The following RASL10B variants were observed in gnomAD, a reference collection of about 807,000 sequenced individuals.
RASL10B encodes RAS like family 10 member B, also known as ras-like protein family member 10B.
A neutral mutation model predicts 20.7 loss-of-function variants in RASL10B; 10 were observed. That is an observed-to-expected ratio of 0.48 (90% CI 0.30 to 0.82). The LOEUF is 0.82. RASL10B is among the 40% of genes least tolerant of loss of function. The pLI is 0.07. For missense variants in RASL10B, 231 were observed against 295.4 expected (o/e 0.78, Z 1.60); for synonymous variants, 110 against 123.3 (o/e 0.89, Z 0.72).
chr17:35,737,677 G>A (rs370836093), intron 2 of RASL10B, among the ~76,000 whole-genome samples: 23 of 151,842 alleles, frequency 1.5e-4, no homozygotes, highest in African/African-American at 5.1e-4. Context: ...TGAGGCAGGC[G>A]GATCACTTGA....
chr17:35,733,232 A>C lies in RASL10B; in HGVS notation c.-148+1354A>C, dbSNP rs8077777. Among the ~76,000 whole-genome samples the C allele has an allele frequency of 2.6e-3, 391 of 152,308 alleles. 2 individuals are homozygous for C. The highest frequency in any genetic ancestry group is 9.1e-3 in the African/African-American group (378 of 41,564). On this transcript the variant is annotated intron_variant, in intron 1 of 3. Coordinates refer to ENST00000603017, the MANE Select transcript of RASL10B (RefSeq NM_033315.4). ...CCTCCTGGGATTGCTAGGAGGTTCC[A>C]CTGCTAAGTTTGTGGGAAGCTTAGA... is the stretch of plus-strand genomic sequence containing the variant.
At chr17:35,734,578 C>T (rs1461582587) in intron 1 of RASL10B, among the ~76,000 whole-genome samples, 1 of 152,090 alleles carries the variant, frequency 6.6e-6, no homozygotes, top group African/African-American at 2.4e-5. Flanking sequence ...TTGGGGGCCA[C>T]GGAAAGCAAA....
chr17:35,735,464 C>A lies in RASL10B; in HGVS notation c.216+64C>A. ...GGATGGGTAGGGGAGAGGCTGGATT[C>A]CAAACTGCTGTAGCTTGGGCCCTAT... is the stretch of plus-strand genomic sequence containing the variant. On this transcript the variant is annotated intron_variant, in intron 2 of 3. Transcript: ENST00000603017. The surrounding 1 kb of genome is among the most constrained non-coding windows in gnomAD (Gnocchi z 6.7). 6.5e-7 allele frequency: 1 copy of A among 1,535,940 alleles called. No homozygotes were observed. The highest frequency in any genetic ancestry group is 1.7e-4 in the Middle Eastern group (1 of 5,912).
intron 1 of RASL10B, among the ~76,000 whole-genome samples, chr17:35,734,460 C>G (rs2085577357): frequency 6.6e-6 from 1 of 152,146 alleles, no homozygotes; most frequent in Non-Finnish European, 1.5e-5. Flanking sequence ...TGTTGCACCC[C>G]AGAGGCGACG....
At chr17:35,733,291 C>T (rs187909479) in intron 1 of RASL10B, among the ~76,000 whole-genome samples, 52 of 152,338 alleles carry the variant, frequency 3.4e-4, no homozygotes, top group Non-Finnish European at 6.3e-4. Flanking sequence ...GCAGTGGTCA[C>T]TGTTTATTGA....
chr17:35,740,817 T>A (rs1466769909), intron 3 of RASL10B, among the ~76,000 whole-genome samples: 3 of 152,204 alleles, frequency 2.0e-5, no homozygotes, highest in African/African-American at 7.2e-5. Context: ...CCAGTAAACA[T>A]TTAAGCCTAT....
intron 2 of RASL10B, among the ~76,000 whole-genome samples, chr17:35,737,623 C>G (rs587603761): frequency 6.7e-6 from 1 of 148,526 alleles, no homozygotes; most frequent in South Asian, 2.1e-4. Context: ...AATACAGAGC[C>G]AGGTGAGGTG....
intron 2 of RASL10B, among the ~76,000 whole-genome samples, chr17:35,739,594 T>C (rs782212843): frequency 1.3e-5 from 2 of 152,226 alleles, no homozygotes; most frequent in Non-Finnish European, 2.9e-5. Flanking sequence ...GGGGCCCTAC[T>C]CTACATCAGC....
In RASL10B at chr17:35,742,864, A is replaced by C. The variant is rs1274186161; in HGVS notation, c.*1559A>C. 1 of 152,260 alleles carries C rather than the reference A, an allele frequency of 6.6e-6. No homozygotes were observed. Among genetic ancestry groups the C allele is most frequent in the East Asian group, 1.9e-4 (1 of 5,184 alleles). 9.4% of individuals were successfully genotyped at this position (152,260 alleles called of 1,614,324 possible). A position where few individuals can be genotyped will look rare whatever the true frequency, so the allele number is the denominator to read the frequency against. On this transcript the variant is annotated 3_prime_UTR_variant, in exon 4 of 4. Coordinates refer to ENST00000603017, the MANE Select transcript of RASL10B (RefSeq NM_033315.4). ...AGGTAGCCCAGACTGGTGATGGAGCAGAGTCTGGGGGAAGGGTCGTGGGTG... is the reference window on the plus strand; with the variant it reads ...AGGTAGCCCAGACTGGTGATGGAGCCGAGTCTGGGGGAAGGGTCGTGGGTG...
rs1489368512 is a variant in RASL10B at position 35,737,527 on chromosome 17, G to GT, written c.216+2128dup. On this transcript the variant is annotated intron_variant, in intron 2 of 3. Coordinates refer to ENST00000603017, the MANE Select transcript of RASL10B (RefSeq NM_033315.4). ...TGTAGATAGGTCATTTTGAACATAA[G>GT]TAGGTATATCTGTGGGATCAATTAC... is the stretch of plus-strand genomic sequence containing the variant. Among the ~76,000 whole-genome samples the GT allele has an allele frequency of 6.0e-5, 9 of 150,032 alleles. 1 individual carries two copies. The South Asian group carries it at 6.3e-4, about 10-fold the overall frequency.
chr17:35,738,072 T>G (rs2085605640), intron 2 of RASL10B, among the ~76,000 whole-genome samples: 1 of 152,136 alleles, frequency 6.6e-6, no homozygotes, highest in Admixed American at 6.5e-5. Context: ...GACAATATAT[T>G]TGACAATCTG....
chr17:35,739,845 C>T (rs1374563503), intron 2 of RASL10B, among the ~76,000 whole-genome samples: 1 of 152,154 alleles, frequency 6.6e-6, no homozygotes, highest in Admixed American at 6.5e-5. Context: ...ATGAGGATGG[C>T]CTGGCTGTGG....
chr17:35,737,909 A>C (rs2085604205), intron 2 of RASL10B, among the ~76,000 whole-genome samples: 1 of 151,920 alleles, frequency 6.6e-6, no homozygotes, highest in African/African-American at 2.4e-5. Context: ...TCAAAAAAAA[A>C]AAAAAAAAAG....
At chr17:35,738,220 A>C (rs587599105) in intron 2 of RASL10B, among the ~76,000 whole-genome samples, 2 of 151,758 alleles carry the variant, frequency 1.3e-5, no homozygotes, top group South Asian at 4.2e-4. Flanking sequence ...CCATTTTTCT[A>C]TTGGGTTGTT....
In RASL10B at chr17:35,731,777, C is replaced by G. The variant is rs953738412; in HGVS notation, c.-249C>G. 6.6e-6 allele frequency: 1 copy of G among 152,002 alleles called. No individual in the cohort carries two copies. Among genetic ancestry groups the G allele is most frequent in the Non-Finnish European group, 1.5e-5 (1 of 67,994 alleles). The allele number at this position is 152,002 out of a possible 1,614,324, so 9.4% of individuals were successfully genotyped here. ...GGCAGGCGGGGGAGCCCCTACTTCT[C>G]TCCCCCCGGGCGGGGGAGCCGGGGG... On this transcript the variant is annotated 5_prime_UTR_variant, in exon 1 of 4. Coordinates refer to ENST00000603017, the MANE Select transcript of RASL10B (RefSeq NM_033315.4).
intron 1 of RASL10B, among the ~76,000 whole-genome samples, chr17:35,734,569 TGGG>T (rs1472197412): frequency 3.3e-5 from 5 of 152,144 alleles, no homozygotes; most frequent in African/African-American, 1.2e-4. Context: ...AGTTACCTCT[TGGG>T]GGCCACGGAA....
At chr17:35,740,100 G>A (rs1568092938) in intron 2 of RASL10B, among the ~76,000 whole-genome samples, 1 of 152,200 alleles carries the variant, frequency 6.6e-6, no homozygotes, top group African/African-American at 2.4e-5. Context: ...AAATGTACTT[G>A]TTGAACAAAG....
chr17:35,732,014 C>CG (rs1555596444), intron 1 of RASL10B, 136 bp downstream of exon 1: 1 of 34,132 alleles, frequency 2.9e-5, no homozygotes, highest in African/African-American at 1.2e-4. Context: ...GGCCGGCGGG[C>CG]GGGCGGGCGG....
chr17:35,732,192 C>T (rs782028641), intron 1 of RASL10B, among the ~76,000 whole-genome samples: 2 of 152,180 alleles, frequency 1.3e-5, no homozygotes, highest in Non-Finnish European at 2.9e-5. Flanking sequence ...CCCAGGCGAA[C>T]GTGGTTGGAA....
Sources: allele counts gnomAD v4.1 joint callset (sites outside exome capture counted in the v4.1 genomes callset), GRCh38; gene constraint gnomAD v4.1.1; non-coding constraint Gnocchi (gnomAD v3.1); transcripts MANE v1.5; gene names NCBI Gene and HGNC (gene_info 2026-07-23, HGNC 2026-07-21).